The following SEZ6L2 variants were observed in gnomAD, a reference collection of about 807,000 sequenced individuals.
SEZ6L2 encodes the protein seizure related 6 homolog like 2, also known as seizure 6-like protein 2.
Under a neutral mutation model 97.0 loss-of-function variants are expected in SEZ6L2, and 44 were observed. The ratio of observed to expected loss-of-function variants is 0.45; its 90% CI spans 0.36 to 0.58. SEZ6L2 has a LOEUF of 0.58. SEZ6L2 is among the 20% of genes least tolerant of loss of function. The probability of loss-of-function intolerance (pLI) is 0.00; values close to 1 mark genes in which losing one functional copy is unlikely to be tolerated. For synonymous variants in SEZ6L2, 543 were observed against 546.1 expected (o/e 0.99, Z 0.08); for missense variants, 1,086 against 1,233.3 (o/e 0.88, Z 1.79).
At chr16:29,893,280 C>A (rs986683237) in intron 5 of SEZ6L2, among the ~76,000 whole-genome samples, 1 of 151,850 alleles carries the variant, frequency 6.6e-6, no homozygotes, top group East Asian at 1.9e-4. Flanking sequence ...GCCAAGATTG[C>A]GCCATTGCAT....
chr16:29,891,508 G>T (rs2068271744), intron 5 of SEZ6L2, among the ~76,000 whole-genome samples: 1 of 152,118 alleles, frequency 6.6e-6, no homozygotes, highest in Non-Finnish European at 1.5e-5. Flanking sequence ...GGGCATGGTG[G>T]CACACGCCTA....
At chr16:29,879,113 G>C (rs900646447) in intron 9 of SEZ6L2, among the ~76,000 whole-genome samples, 6 of 151,568 alleles carry the variant, frequency 4.0e-5, no homozygotes, top group Admixed American at 3.9e-4. Flanking sequence ...CTATTGACCA[G>C]GCTGGTCTCC....
At chr16:29,879,328 C>A (rs922143941) in intron 9 of SEZ6L2, among the ~76,000 whole-genome samples, 7 of 152,046 alleles carry the variant, frequency 4.6e-5, no homozygotes, top group Non-Finnish European at 1.0e-4. Flanking sequence ...CGGGTTCAAG[C>A]GATTCTCCTG....
intron 16 of SEZ6L2, 45 bp from the exon 17 acceptor site, chr16:29,872,328 CT>C: frequency 6.3e-7 from 1 of 1,599,802 alleles, no homozygotes; most frequent in South Asian, 1.1e-5. Flanking sequence ...AGGTAAGCCC[CT>C]GAGCTCCCCT....
intron 10 of SEZ6L2, among the ~76,000 whole-genome samples, chr16:29,878,051 G>C (rs2067947767): frequency 1.3e-5 from 2 of 152,244 alleles, no homozygotes; most frequent in African/African-American, 4.8e-5. Flanking sequence ...CTTGTTCACA[G>C]TGGCCCCTAA....
intron 1 of SEZ6L2, among the ~76,000 whole-genome samples, chr16:29,898,587 A>G (rs2068458997): frequency 6.6e-6 from 1 of 151,956 alleles, no homozygotes; most frequent in African/African-American, 2.4e-5. Flanking sequence ...TCATCCAAGA[A>G]CAGTTGTGTG....
intron 17 of SEZ6L2, 37 bp from the exon 18 acceptor site, chr16:29,871,765 G>A (rs1447539873): frequency 6.3e-7 from 1 of 1,595,490 alleles, no homozygotes; most frequent in Non-Finnish European, 8.5e-7. Flanking sequence ...GTTGGAGTCT[G>A]ATAGGGGTGG....
chr16:29,894,637 C>T (rs1039040090), intron 5 of SEZ6L2, among the ~76,000 whole-genome samples: 1 of 152,126 alleles, frequency 6.6e-6, no homozygotes, highest in African/African-American at 2.4e-5. Context: ...ATTCTGAGCT[C>T]GTTGAAGCCA....
Position 29,873,428 on chromosome 16 carries a change from T to A in SEZ6L2, c.2300A>T (p.Lys767Met). ...CCCCGGGTTCAGGCACGGCTCGTAC[T>A]TCACTGCGGGGAGCATGCCAGTCAC... ...WSDRVPKCAL[K>M]YEPCLNPGVP... The change falls in exon 14 of 18, where the codon AAG becomes ATG. Residue 767 changes from lysine to methionine, a missense_variant. By Grantham distance (95) the Lys-to-Met change is moderately conservative. Transcript: ENST00000617533. The surrounding 1 kb of genome is among the most constrained non-coding windows in gnomAD (Gnocchi z 4.3). The A allele has an allele frequency of 6.2e-7, 1 of 1,614,214 alleles. No individual in the cohort carries two copies.
intron 10 of SEZ6L2, among the ~76,000 whole-genome samples, 154 bp from the exon 11 acceptor site, chr16:29,877,621 G>A (rs2067938138): frequency 6.6e-6 from 1 of 152,122 alleles, no homozygotes; most frequent in Admixed American, 6.5e-5. Context: ...CCTCCGTTTT[G>A]ACCAACCATG....
chr16:29,872,144 GA>G (rs775985724), intron 17 of SEZ6L2, 42 bp downstream of exon 17: 2 of 1,454,958 alleles, frequency 1.4e-6, no homozygotes, highest in Admixed American at 4.2e-5. Context: ...GGAGTCCTGG[GA>G]GAGCCAAGTG....
chr16:29,897,993 T>A lies in SEZ6L2; in HGVS notation c.80-9A>T, dbSNP rs1245048721. On this transcript the variant is annotated splice_polypyrimidine_tract_variant and intron_variant, in intron 1 of 17. Coordinates refer to ENST00000617533, the MANE Select transcript of SEZ6L2 (RefSeq NM_001243332.2). ...CTCCTTCAGGGGCAGACCTAGGAGGTGAAGTTGTGTGAGCTTCTCCACTTC... is the reference window on the plus strand; with the variant it reads ...CTCCTTCAGGGGCAGACCTAGGAGGAGAAGTTGTGTGAGCTTCTCCACTTC... The A allele has an allele frequency of 6.2e-7, 1 of 1,612,334 alleles. No homozygotes were observed. The highest frequency in any genetic ancestry group is 8.5e-7 in the Non-Finnish European group (1 of 1,179,278).
At chr16:29,889,026 G>C (rs2068210823) in intron 5 of SEZ6L2, among the ~76,000 whole-genome samples, 1 of 152,126 alleles carries the variant, frequency 6.6e-6, no homozygotes, top group Non-Finnish European at 1.5e-5. Context: ...CTCATTTGTT[G>C]TGTGACTTCA....
In SEZ6L2 at chr16:29,873,857, C is replaced by A; in HGVS notation, c.2105-128G>T. On this transcript the variant is annotated intron_variant, in intron 12 of 17. Transcript: ENST00000617533. This position sits in a 1 kb window ranked among gnomAD's most constrained non-coding sequence, Gnocchi z 4.3. ...GGAGTGGTGGCGCACTCCTGTGGTT[C>A]CAGCTACTCAGGAGTTGGAGGCGGG... 1.2e-6 allele frequency: 1 copy of A among 825,654 alleles called. No individual in the cohort carries two copies. Among genetic ancestry groups the A allele is most frequent in the Non-Finnish European group, 1.8e-6 (1 of 544,562 alleles). The allele number at this position is 825,654 out of a possible 1,614,324, so 51.1% of individuals were successfully genotyped here.
At chr16:29,888,004 C>A (rs2068185133) in intron 6 of SEZ6L2, among the ~76,000 whole-genome samples, 187 bp from the exon 7 acceptor site, 3 of 152,178 alleles carry the variant, frequency 2.0e-5, no homozygotes, top group Admixed American at 2.0e-4. Flanking sequence ...AGGAAAGAAA[C>A]CAGCCCCGGT....
At position 29,876,175 on chromosome 16, in the gene SEZ6L2, C is replaced by T. The variant is rs899343108; in HGVS notation, c.2104+581G>A. Among the ~76,000 whole-genome samples the T allele has an allele frequency of 1.3e-5, 2 of 152,156 alleles. No homozygotes were observed. Among genetic ancestry groups the T allele is most frequent in the African/African-American group, 4.8e-5 (2 of 41,428 alleles). ...ACCCAGTGATCACCACCCTGCGTAT[C>T]CCTCCCAGACTGCGAGCTCCATAAG... On this transcript the variant is annotated intron_variant, in intron 12 of 17. Coordinates refer to ENST00000617533, the MANE Select transcript of SEZ6L2 (RefSeq NM_001243332.2). The surrounding 1 kb of genome is among the most constrained non-coding windows in gnomAD (Gnocchi z 6.5).
chr16:29,877,068 G>T, intron 11 of SEZ6L2, 118 bp from the exon 12 acceptor site: 2 of 1,172,558 alleles, frequency 1.7e-6, no homozygotes, highest in Non-Finnish European at 1.2e-6. Flanking sequence ...CTCTCTTAGA[G>T]ACAGGGTTTC....
chr16:29,897,942 C>G lies in SEZ6L2; in HGVS notation c.122G>C (p.Ser41Thr). 6.2e-7 allele frequency: 1 copy of G among 1,613,820 alleles called. No individual in the cohort carries two copies. The highest frequency in any genetic ancestry group is 8.5e-7 in the Non-Finnish European group (1 of 1,179,844). ...CTCAGAGGCCACCGTGGGGGTCTCA[C>G]TTCCAGGCTCTGGCAATATCTCCTC... ...KEEEILPEPG[S>T]ETPTVASEAL... The change falls in exon 2 of 18, where the codon AGT becomes ACT. Residue 41 changes from serine (S) to threonine (T), a missense_variant. Physicochemically the swap from Ser to Thr is moderately conservative, Grantham distance 58 (BLOSUM62 1). Transcript: ENST00000617533.
chr16:29,896,266 C>T (rs2068387065), intron 3 of SEZ6L2, among the ~76,000 whole-genome samples: 1 of 151,932 alleles, frequency 6.6e-6, no homozygotes, highest in Middle Eastern at 3.4e-3. Context: ...GCCCCCCTCA[C>T]CATCTTTTAT....
Sources: gnomAD v4.1 joint callset for allele counts (sites outside exome capture counted in the v4.1 genomes callset) on GRCh38, gnomAD v4.1.1 for gene constraint, Gnocchi (gnomAD v3.1) non-coding constraint, MANE v1.5 for transcripts, NCBI Gene and HGNC (gene_info 2026-07-23, HGNC 2026-07-21) for gene names.